Variants in C12orf42 observed in about 807,000 individuals in gnomAD.
The protein encoded by C12orf42 is uncharacterized protein C12orf42.
C12orf42 carries 25 observed loss-of-function variants against 21.6 expected under a neutral mutation model. That is an observed-to-expected ratio of 1.16 (90% CI 0.84 to 1.62). C12orf42 has a LOEUF of 1.62. Ranked by LOEUF, C12orf42 falls within the 40% of genes most tolerant of loss-of-function variation. The pLI is 0.00. For synonymous variants in C12orf42, 174 were observed against 175.0 expected (o/e 0.99, Z 0.05); for missense variants, 483 against 459.3 (o/e 1.05, Z -0.47).
the C12orf42 span, chr12:103,550,470 T>C: frequency 6.6e-6 from 1 of 152,174 alleles, no homozygotes; most frequent in African/African-American, 2.4e-5. Flanking sequence ...AGGAATAAAC[T>C]TGATATAAGC....
chr12:103,089,015 A>ATT, the C12orf42 span, among the ~76,000 whole-genome samples: 1 of 145,636 alleles, frequency 6.9e-6, no homozygotes, highest in East Asian at 2.1e-4. Context: ...GGCAGGAGAA[A>ATT]GGCGTGAACC....
At chr12:103,137,461 T>TC in the C12orf42 span, among the ~76,000 whole-genome samples, 60 of 151,296 alleles carry the variant, frequency 4.0e-4, no homozygotes, top group African/African-American at 1.2e-3. Context: ...GTAAGATTTC[T>TC]AAAAAAAAAC....
intron 4 of C12orf42, among the ~76,000 whole-genome samples, chr12:103,294,583 GGAAAGAAA>G (rs60577440): frequency 0.052 from 4,177 of 80,140 alleles, 92 homozygotes; most frequent in Middle Eastern, 0.084. Context: ...AAGGAAGGAA[GGAAAGAAA>G]GAAAGAAAGA....
chr12:103,137,742 C>T, the C12orf42 span, among the ~76,000 whole-genome samples: 691 of 152,176 alleles, frequency 4.5e-3, 20 homozygotes, highest in East Asian at 0.085. Context: ...AACTGGAGGG[C>T]GTTGTGTTCA....
At chr12:103,341,421 G>C (rs931466191) in intron 4 of C12orf42, among the ~76,000 whole-genome samples, 2 of 152,006 alleles carry the variant, frequency 1.3e-5, no homozygotes, top group Non-Finnish European at 2.9e-5. Flanking sequence ...CACAATTGGA[G>C]GTCACAAAAG....
chr12:103,490,106 G>A (rs1955098660), intron 1 of C12orf42, among the ~76,000 whole-genome samples: 2 of 152,192 alleles, frequency 1.3e-5, no homozygotes, highest in Non-Finnish European at 2.9e-5. Flanking sequence ...ACTATGTCAG[G>A]TTTATGTATT....
At chr12:103,369,606 G>A (rs1007766655) in intron 3 of C12orf42, among the ~76,000 whole-genome samples, 2 of 151,650 alleles carry the variant, frequency 1.3e-5, no homozygotes, top group African/African-American at 2.4e-5. Flanking sequence ...GTGGGGGAGA[G>A]GAGGCTCTTA....
the C12orf42 span, among the ~76,000 whole-genome samples, chr12:103,096,539 A>G: frequency 6.6e-6 from 1 of 152,180 alleles, no homozygotes; most frequent in Non-Finnish European, 1.5e-5. Context: ...GATTTTATTG[A>G]TTTCAGTTAC....
At chr12:103,240,965 G>A (rs2033709165) in intron 10 of C12orf42, among the ~76,000 whole-genome samples, 1 of 152,104 alleles carries the variant, frequency 6.6e-6, no homozygotes, top group Non-Finnish European at 1.5e-5. Flanking sequence ...ATTGCTCATA[G>A]CAGAATGCAA....
chr12:103,545,943 C>T, the C12orf42 span, among the ~76,000 whole-genome samples: 1 of 152,356 alleles, frequency 6.6e-6, no homozygotes, highest in African/African-American at 2.4e-5. Flanking sequence ...TCCATCTGGA[C>T]AGAATGCCTC....
chr12:103,182,049 C>T, the C12orf42 span, among the ~76,000 whole-genome samples: 8 of 152,032 alleles, frequency 5.3e-5, no homozygotes, highest in African/African-American at 1.7e-4. Context: ...GATTAGTAAT[C>T]GTAGGGTTTT....
At chr12:103,406,181 C>G (rs2048416016) in intron 2 of C12orf42, among the ~76,000 whole-genome samples, 1 of 152,178 alleles carries the variant, frequency 6.6e-6, no homozygotes, top group Admixed American at 6.5e-5. Context: ...TTACATTTTA[C>G]TGTACATCAA....
At chr12:103,409,628 G>A (rs940029582) in intron 2 of C12orf42, among the ~76,000 whole-genome samples, 6 of 151,934 alleles carry the variant, frequency 3.9e-5, no homozygotes, top group South Asian at 4.2e-4. Flanking sequence ...GGATAGATGT[G>A]CACTTCTCAA....
At chr12:103,244,561 A>G (rs1033178643) in intron 10 of C12orf42, among the ~76,000 whole-genome samples, 2 of 152,108 alleles carry the variant, frequency 1.3e-5, no homozygotes, top group South Asian at 4.1e-4. Context: ...TGAAAAAAAA[A>G]AAAAAAGAAA....
At chr12:103,124,535 G>C in the C12orf42 span, among the ~76,000 whole-genome samples, 1 of 152,170 alleles carries the variant, frequency 6.6e-6, no homozygotes, top group African/African-American at 2.4e-5. Flanking sequence ...CCTGGTCACA[G>C]AGTGGGAACG....
At chr12:103,200,363 T>C in the C12orf42 span, among the ~76,000 whole-genome samples, 2 of 152,210 alleles carry the variant, frequency 1.3e-5, no homozygotes, top group Non-Finnish European at 2.9e-5. Context: ...TCAAAAGGCA[T>C]AAAGTTTCAG....
rs142603037 is a variant in C12orf42 at position 103,252,002 on chromosome 12, T to C, written c.*1366+11324A>G. 2.1e-3 allele frequency among the ~76,000 whole-genome samples: 326 copies of C among 152,344 alleles called. 4 individuals are homozygous for C. Among genetic ancestry groups the C allele is most frequent in the African/African-American group, 7.4e-3 (306 of 41,582 alleles). On this transcript the variant is annotated intron_variant and NMD_transcript_variant, in intron 10 of 10. Coordinates refer to the C12orf42 transcript ENST00000547347. The stretch of plus-strand genomic sequence containing the variant: ...AGTTCTGGGATACATGTGCTGAATA[T>C]GCAGGTTTGTTACGTAGGTATACAT...
the C12orf42 span, chr12:103,164,703 T>C: frequency 2.2e-6 from 1 of 455,338 alleles, no homozygotes; most frequent in Admixed American, 2.4e-5. Context: ...TCAAAGCTCT[T>C]GGAGAGCGGA....
chr12:103,464,508 T>C (rs1952968531), intron 2 of C12orf42, among the ~76,000 whole-genome samples: 1 of 152,064 alleles, frequency 6.6e-6, no homozygotes, highest in Non-Finnish European at 1.5e-5. Context: ...TCTCCTATTC[T>C]GTAGATTGTC....
Sources: allele counts gnomAD v4.1 joint callset (sites outside exome capture counted in the v4.1 genomes callset), GRCh38; gene constraint gnomAD v4.1.1; transcripts MANE v1.5; gene names NCBI Gene and HGNC (gene_info 2026-07-23, HGNC 2026-07-21).